The following CACNA1C variants were observed in gnomAD, a reference collection of about 807,000 sequenced individuals.
The protein encoded by CACNA1C is voltage-dependent L-type calcium channel subunit alpha-1C.
A neutral mutation model predicts 229.0 loss-of-function variants in CACNA1C; 30 were observed. The ratio of observed to expected loss-of-function variants is 0.13; its 90% CI spans 0.10 to 0.18. CACNA1C has a LOEUF of 0.18. Among genes scored for constraint, CACNA1C ranks in the 10% least tolerant of loss-of-function variants. The pLI is 1.00. For missense variants in CACNA1C, 1,658 were observed against 2,845.0 expected (o/e 0.58, Z 9.49); for synonymous variants, 1,114 against 1,132.5 (o/e 0.98, Z 0.33).
rs141870838 is a variant in CACNA1C, at chr12:2,167,867, TCATC to T, written c.477+47440_477+47443del. Reference sequence around the variant, plus strand: ...GCAAAAAACTGTGAAACCCAGAAACTCATCCAATGCTCCCTTCTCCCAGGTTCTG... The same window carrying T: ...GCAAAAAACTGTGAAACCCAGAAACTCAATGCTCCCTTCTCCCAGGTTCTG... On this transcript the variant is annotated intron_variant, in intron 3 of 46. Coordinates refer to ENST00000399655, the MANE Select transcript of CACNA1C (RefSeq NM_000719.7). Among the ~76,000 whole-genome samples, 1,032 of 152,362 alleles carry T rather than the reference TCATC, an allele frequency of 6.8e-3. 6 individuals are homozygous for T. Among genetic ancestry groups the T allele is most frequent in the African/African-American group, 0.023 (976 of 41,570 alleles).
At chr12:2,038,695 C>T (rs979830067) in intron 1 of CACNA1C, among the ~76,000 whole-genome samples, 8 of 152,082 alleles carry the variant, frequency 5.3e-5, no homozygotes, top group African/African-American at 1.4e-4. Flanking sequence ...CTAGTTTTGC[C>T]GGGCAGCTTT....
intron 9 of CACNA1C, among the ~76,000 whole-genome samples, chr12:2,526,560 G>A (rs974578763): frequency 6.6e-6 from 1 of 152,198 alleles, no homozygotes; most frequent in Non-Finnish European, 1.5e-5. Flanking sequence ...TACTGATAAG[G>A]CCATAAACTC....
rs546336568 is a variant in CACNA1C at position 2,312,747 on chromosome 12, A to G, written c.478-136229A>G. ...TCCATATGTCCAACATTATCCCCCAATGTTGCATTTCAACCGTCATACCAT... is the reference window on the plus strand; with the variant it reads ...TCCATATGTCCAACATTATCCCCCAGTGTTGCATTTCAACCGTCATACCAT... On this transcript the variant is annotated intron_variant, in intron 3 of 46. Coordinates refer to ENST00000399655, the MANE Select transcript of CACNA1C (RefSeq NM_000719.7). 7.9e-5 allele frequency among the ~76,000 whole-genome samples: 12 copies of G among 152,084 alleles called. 1 individual carries two copies. The highest frequency in any genetic ancestry group is 6.5e-4 in the Admixed American group (10 of 15,282).
chr12:2,622,206 C>G (rs942426856), intron 29 of CACNA1C, among the ~76,000 whole-genome samples: 9 of 152,114 alleles, frequency 5.9e-5, no homozygotes, highest in Admixed American at 2.0e-4. Flanking sequence ...TGAGGACAGG[C>G]AGAGGGAGGC....
intron 3 of CACNA1C, among the ~76,000 whole-genome samples, chr12:2,136,121 C>T (rs929960372): frequency 6.6e-5 from 10 of 151,348 alleles, no homozygotes; most frequent in African/African-American, 2.2e-4. Flanking sequence ...ACTCCCTGAC[C>T]GCTTGCGCTT....
rs565701621 is a variant in CACNA1C at position 2,204,937 on chromosome 12, TA to T, written c.477+84516del. ...GTGCACATGTACCCTAAAACTTTAA[TA>T]AAAAAAAATAAATTAATTAAAAAAA... On this transcript the variant is annotated intron_variant, in intron 3 of 46. Transcript: ENST00000399655. Among the ~76,000 whole-genome samples, 1,109 of 128,130 alleles carry T rather than the reference TA, an allele frequency of 8.7e-3. 13 individuals carry two copies. Among genetic ancestry groups the T allele is most frequent in the African/African-American group, 0.027 (1,008 of 36,948 alleles). The allele number at this position is 128,130 out of a possible 152,430, so 84.1% of individuals were successfully genotyped here.
At chr12:2,105,663 A>G (rs767130109) in intron 1 of CACNA1C, among the ~76,000 whole-genome samples, 1,461 of 32,744 alleles carry the variant, frequency 0.045, 2 homozygotes, top group East Asian at 0.08. Flanking sequence ...TCAGCTGGGC[A>G]TCCTGAAGCC....
chr12:2,060,746 C>T (rs113518031), intron 1 of CACNA1C, among the ~76,000 whole-genome samples: 79 of 152,300 alleles, frequency 5.2e-4, no homozygotes, highest in African/African-American at 1.1e-3. Flanking sequence ...TTAATACACT[C>T]GGCTACACTT....
At chr12:2,458,979 T>C (rs966214288) in intron 5 of CACNA1C, among the ~76,000 whole-genome samples, 2 of 129,418 alleles carry the variant, frequency 1.5e-5, no homozygotes, top group Non-Finnish European at 3.4e-5. Flanking sequence ...TTCTTTTTCT[T>C]TCTTTTTTTT....
At chr12:2,180,690 A>G (rs1202079563) in intron 3 of CACNA1C, among the ~76,000 whole-genome samples, 1 of 152,202 alleles carries the variant, frequency 6.6e-6, no homozygotes, top group Non-Finnish European at 1.5e-5. Context: ...TTTTGGAGCC[A>G]GGCAGATTGG....
chr12:1,979,108 G>A (rs1010262707), intron 1 of CACNA1C, among the ~76,000 whole-genome samples: 12 of 151,688 alleles, frequency 7.9e-5, no homozygotes, highest in African/African-American at 2.7e-4. Flanking sequence ...CGCCTCCCGC[G>A]TTCAAGAAAT....
intron 21 of CACNA1C, among the ~76,000 whole-genome samples, chr12:2,599,061 C>T (rs1348328117): frequency 2.0e-5 from 3 of 152,200 alleles, no homozygotes; most frequent in East Asian, 1.9e-4. Flanking sequence ...GGACAAGAGA[C>T]GCTCTGAGGC....
rs1274558021 is a variant in CACNA1C, at chr12:2,348,249, G to T, written c.478-100727G>T. 1.3e-5 allele frequency among the ~76,000 whole-genome samples: 2 copies of T among 152,332 alleles called. No individual in the cohort carries two copies. Among genetic ancestry groups the T allele is most frequent in the Middle Eastern group, 3.4e-3 (1 of 294 alleles). On this transcript the variant is annotated intron_variant, in intron 3 of 46. Coordinates refer to ENST00000399655, the MANE Select transcript of CACNA1C (RefSeq NM_000719.7). This position sits in a 1 kb window ranked among gnomAD's most constrained non-coding sequence, Gnocchi z 4.7. ...TCCTGAGGCCTTCTGCTCACCGGAA[G>T]GGGGGCAGGTCTGCAGCCCCTCCCC...
At chr12:2,297,899 C>T (rs1005668733) in intron 3 of CACNA1C, among the ~76,000 whole-genome samples, 1 of 152,044 alleles carries the variant, frequency 6.6e-6, no homozygotes, top group Non-Finnish European at 1.5e-5. Flanking sequence ...CACGTGTGCA[C>T]ATGCAAATAA....
At chr12:1,975,771 A>G (rs1428773747) in intron 1 of CACNA1C, among the ~76,000 whole-genome samples, 1 of 152,204 alleles carries the variant, frequency 6.6e-6, no homozygotes, top group East Asian at 1.9e-4. Context: ...ATCACCATAT[A>G]TGACTTTGCC....
At chr12:2,387,313 C>T (rs991090639) in intron 3 of CACNA1C, among the ~76,000 whole-genome samples, 14 of 152,062 alleles carry the variant, frequency 9.2e-5, no homozygotes, top group Admixed American at 7.2e-4. Context: ...GCTGAAATCT[C>T]GGCTCTACTG....
chr12:2,663,799 T>C (rs965715619), intron 34 of CACNA1C, among the ~76,000 whole-genome samples: 4 of 142,086 alleles, frequency 2.8e-5, no homozygotes, highest in African/African-American at 1.1e-4. Flanking sequence ...TGGAGTACAG[T>C]GGTGTGATCT....
In CACNA1C at chr12:2,493,117, T is replaced by C; in HGVS notation, c.917-73T>C. Reference sequence around the variant, plus strand: ...TCAACCTCATCCTGTCACTTTTCTCTCTGACTTCTTTCTCTGCCCACATCT... The same window carrying C: ...TCAACCTCATCCTGTCACTTTTCTCCCTGACTTCTTTCTCTGCCCACATCT... On this transcript the variant is annotated intron_variant, in intron 6 of 46. Transcript: ENST00000399655. The surrounding 1 kb of genome is among the most constrained non-coding windows in gnomAD (Gnocchi z 4.6). The C allele has an allele frequency of 7.5e-7, 1 of 1,340,318 alleles. No homozygotes were observed. Among genetic ancestry groups the C allele is most frequent in the Non-Finnish European group, 1.1e-6 (1 of 941,350 alleles). The allele number at this position is 1,340,318 out of a possible 1,614,324, so 83.0% of individuals were successfully genotyped here.
chr12:2,555,594 A>G (rs899774268), intron 10 of CACNA1C, among the ~76,000 whole-genome samples: 1 of 152,184 alleles, frequency 6.6e-6, no homozygotes, highest in African/African-American at 2.4e-5. Context: ...GCTGTAAATA[A>G]CAATGCTGCC....
Sources: gnomAD v4.1 joint callset for allele counts (sites outside exome capture counted in the v4.1 genomes callset) on GRCh38, gnomAD v4.1.1 for gene constraint, Gnocchi (gnomAD v3.1) non-coding constraint, MANE v1.5 for transcripts, NCBI Gene and HGNC (gene_info 2026-07-23, HGNC 2026-07-21) for gene names.